Variants in UBE2R2 observed in about 807,000 individuals in gnomAD.
The protein encoded by UBE2R2 is ubiquitin-conjugating enzyme E2 R2.
In UBE2R2, 1 loss-of-function variant was observed where a neutral mutation model predicts 27.8. The observed-to-expected ratio is 0.04, with a 90% CI of 0.01 to 0.17. UBE2R2 has a LOEUF of 0.17. UBE2R2 is among the 10% of genes least tolerant of loss of function. The probability of loss-of-function intolerance (pLI) is 1.00; values close to 1 mark genes in which losing one functional copy is unlikely to be tolerated. For missense variants in UBE2R2, 100 were observed against 291.0 expected (o/e 0.34, Z 4.78); for synonymous variants, 106 against 113.3 (o/e 0.94, Z 0.41).
chr9:33,884,229 T>TCTCTCTCTCTCTCTCTCTCTCTCTCTCC (rs1313176322), intron 1 of UBE2R2, among the ~76,000 whole-genome samples: 1 of 146,304 alleles, frequency 6.8e-6, no homozygotes, highest in African/African-American at 2.5e-5. Context: ...TCTCTCTCTC[T>TCTCTCTCTCTCTCTCTCTCTCTCTCTCC]CTCTCTTCCC....
intron 1 of UBE2R2, among the ~76,000 whole-genome samples, chr9:33,831,562 A>G (rs2130726279): frequency 6.6e-6 from 1 of 152,204 alleles, no homozygotes; most frequent in African/African-American, 2.4e-5. Context: ...GATTATAGGC[A>G]TGCATCACCA....
chr9:33,869,576 A>C (rs2130778071), intron 1 of UBE2R2, among the ~76,000 whole-genome samples: 3 of 151,668 alleles, frequency 2.0e-5, no homozygotes, highest in Admixed American at 2.0e-4. Context: ...CAGCCTCCCT[A>C]GTAGCTGGAA....
At chr9:33,902,599 C>CAACTGGTTG (rs1229595092) in intron 3 of UBE2R2, among the ~76,000 whole-genome samples, 1 of 152,104 alleles carries the variant, frequency 6.6e-6, no homozygotes, top group East Asian at 1.9e-4. Flanking sequence ...TTGCTAGATG[C>CAACTGGTTG]CTGTATCGTA....
chr9:33,855,346 G>A (rs528818253), intron 1 of UBE2R2, among the ~76,000 whole-genome samples: 59 of 152,254 alleles, frequency 3.9e-4, no homozygotes, highest in Admixed American at 2.9e-3. Context: ...CTTAAAATAA[G>A]CATGATAATA....
intron 1 of UBE2R2, among the ~76,000 whole-genome samples, chr9:33,851,403 C>T (rs1820964237): frequency 6.6e-6 from 1 of 152,142 alleles, no homozygotes; most frequent in South Asian, 2.1e-4. Flanking sequence ...TTCTTCATAG[C>T]AGAAGGATCT....
chr9:33,861,485 C>T (rs1393611791), intron 1 of UBE2R2, among the ~76,000 whole-genome samples: 3 of 151,896 alleles, frequency 2.0e-5, no homozygotes, highest in Non-Finnish European at 4.4e-5. Context: ...CTGAGGCACA[C>T]GAATCTCTTG....
intron 1 of UBE2R2, among the ~76,000 whole-genome samples, chr9:33,842,789 CA>C (rs1820757455): frequency 6.6e-6 from 1 of 152,110 alleles, no homozygotes; most frequent in Non-Finnish European, 1.5e-5. Context: ...GCTACAATTG[CA>C]CAGTTAACTG....
chr9:33,906,509 AC>A (rs1822359501), intron 3 of UBE2R2, among the ~76,000 whole-genome samples: 1 of 152,078 alleles, frequency 6.6e-6, no homozygotes, highest in South Asian at 2.1e-4. Context: ...GGGAGGTGGG[AC>A]CAGGGGAAGG....
chr9:33,879,626 T>G (rs749806937), intron 1 of UBE2R2, among the ~76,000 whole-genome samples: 1 of 151,954 alleles, frequency 6.6e-6, no homozygotes, highest in South Asian at 2.1e-4. Context: ...CGAATTTTTG[T>G]ATTTTTTGTA....
intron 1 of UBE2R2, among the ~76,000 whole-genome samples, chr9:33,840,514 C>T (rs950082216): frequency 3.3e-5 from 5 of 152,082 alleles, no homozygotes; most frequent in Non-Finnish European, 5.9e-5. Context: ...TTCTTCATTC[C>T]TTGTATATTT....
chr9:33,831,005 A>G (rs1360213695), intron 1 of UBE2R2: 3 of 151,292 alleles, frequency 2.0e-5, no homozygotes, highest in African/African-American at 7.3e-5. Flanking sequence ...TGGTATTTAC[A>G]ACCTATTGAT....
At chr9:33,863,647 C>G (rs959347934) in intron 1 of UBE2R2, among the ~76,000 whole-genome samples, 4 of 151,908 alleles carry the variant, frequency 2.6e-5, no homozygotes, top group African/African-American at 7.3e-5. Flanking sequence ...ATATTAAGGA[C>G]ATTCTAATAT....
intron 1 of UBE2R2, among the ~76,000 whole-genome samples, chr9:33,826,533 C>T (rs1363686363): frequency 6.6e-6 from 1 of 151,900 alleles, no homozygotes; most frequent in African/African-American, 2.4e-5. Flanking sequence ...CCCGTCTCTA[C>T]TAAAACTACA....
At chr9:33,821,030 T>C (rs970024241) in intron 1 of UBE2R2, among the ~76,000 whole-genome samples, 1 of 150,896 alleles carries the variant, frequency 6.6e-6, no homozygotes, top group African/African-American at 2.4e-5. Flanking sequence ...TTTTTTGGCC[T>C]TACTATCTTT....
rs1454763895 is a variant in UBE2R2 at position 33,817,648 on chromosome 9, C to G, written c.-110C>G. The G allele has an allele frequency of 2.0e-5, 23 of 1,130,776 alleles. No homozygotes were observed. The highest frequency in any genetic ancestry group is 2.4e-5 in the Non-Finnish European group (22 of 925,218). The allele number at this position is 1,130,776 out of a possible 1,614,324, so 70.0% of individuals were successfully genotyped here. A position where few individuals can be genotyped will look rare whatever the true frequency, so the allele number is the denominator to read the frequency against. On this transcript the variant is annotated 5_prime_UTR_variant, in exon 1 of 5. Transcript: ENST00000263228. ...CCGCCGGGTGTGTGAAGACCGGGGC[C>G]CGGTGCTGCCCGGCCGGAGGGCGAG...
chr9:33,862,211 A>C (rs901547909), intron 1 of UBE2R2, among the ~76,000 whole-genome samples: 2 of 152,122 alleles, frequency 1.3e-5, no homozygotes, highest in Admixed American at 6.6e-5. Context: ...TGGTATGATA[A>C]ACAACCAAAA....
At chr9:33,852,238 G>A (rs974668269) in intron 1 of UBE2R2, among the ~76,000 whole-genome samples, 24 of 152,186 alleles carry the variant, frequency 1.6e-4, no homozygotes, top group African/African-American at 4.8e-4. Context: ...TTGAGTCCGC[G>A]AGGTTGAGGG....
intron 1 of UBE2R2, among the ~76,000 whole-genome samples, chr9:33,857,995 A>G (rs1192383676): frequency 1.3e-5 from 2 of 152,222 alleles, no homozygotes. Context: ...TGTAAGGCCA[A>G]GATGCTAACT....
At chr9:33,822,326 G>A (rs942645697) in intron 1 of UBE2R2, among the ~76,000 whole-genome samples, 4 of 151,208 alleles carry the variant, frequency 2.6e-5, no homozygotes, top group African/African-American at 4.9e-5. Context: ...CCTGACCTCA[G>A]GTGATCCCGC....
Sources: gnomAD v4.1 joint callset for allele counts (sites outside exome capture counted in the v4.1 genomes callset) on GRCh38, gnomAD v4.1.1 for gene constraint, MANE v1.5 for transcripts, NCBI Gene and HGNC (gene_info 2026-07-23, HGNC 2026-07-21) for gene names.